TOPAZ1: variants seen among roughly 807,000 people sequenced by gnomAD.
TOPAZ1 encodes the protein testis and ovary specific TOPAZ 1.
A neutral mutation model predicts 172.2 loss-of-function variants in TOPAZ1; 66 were observed. The observed-to-expected ratio is 0.38, with a 90% CI of 0.31 to 0.47. The LOEUF (loss-of-function observed/expected upper bound fraction) is 0.47, where lower values mean the gene tolerates loss of function less well. Ranked by LOEUF, TOPAZ1 falls within the 20% of genes least tolerant of loss-of-function variation. TOPAZ1 has a pLI of 0.99. For synonymous variants in TOPAZ1, 681 were observed against 683.9 expected (o/e 1.00, Z 0.07); for missense variants, 1,822 against 1,972.4 (o/e 0.92, Z 1.44).
rs145826696 is a variant in TOPAZ1, at chr3:44,279,444, A to G, written c.3373-2524A>G. Among the ~76,000 whole-genome samples the G allele has an allele frequency of 4.1e-3, 624 of 152,134 alleles. 10 individuals carry two copies. Among genetic ancestry groups the G allele is most frequent in the African/African-American group, 0.014 (596 of 41,506 alleles). On this transcript the variant is annotated intron_variant, in intron 8 of 19. Coordinates refer to ENST00000309765, the MANE Select transcript of TOPAZ1 (RefSeq NM_001145030.2). ...AAATCTCCAACTATTATTGTATTGG[A>G]GTCTGTCCCTCCCTTTAGATGTAAT...
chr3:44,298,276 C>G (rs1700222017), intron 12 of TOPAZ1, among the ~76,000 whole-genome samples: 1 of 152,038 alleles, frequency 6.6e-6, no homozygotes, highest in African/African-American at 2.4e-5. Flanking sequence ...CCAGCCTGGG[C>G]AACGTGGTGA....
intron 6 of TOPAZ1, among the ~76,000 whole-genome samples, chr3:44,267,703 A>G (rs1699847769): frequency 2.6e-5 from 4 of 152,208 alleles, no homozygotes; most frequent in Admixed American, 2.6e-4. Context: ...TGGAGTGTGT[A>G]TATGTATTTT....
chr3:44,272,857 C>T (rs778529480), intron 8 of TOPAZ1, among the ~76,000 whole-genome samples: 5 of 152,210 alleles, frequency 3.3e-5, no homozygotes, highest in African/African-American at 9.6e-5. Flanking sequence ...CTGCACGCAG[C>T]CTCCGTTGCC....
Position 44,323,244 on chromosome 3 carries a change from ACTT to A in TOPAZ1, c.4628_4630del (p.Ser1543del), listed in dbSNP as rs1337766027. ...TTTTTCCTTTCTCAGAAGATTAATT[ACTT>A]CTTTAGGAAGGAGTCGTTTATGGCT... On this transcript the variant is annotated inframe_deletion, in exon 18 of 20. Transcript: ENST00000309765. 1 of 1,550,412 alleles carries A rather than the reference ACTT, an allele frequency of 6.4e-7. No homozygotes were observed. Among genetic ancestry groups the A allele is most frequent in the Non-Finnish European group, 8.7e-7 (1 of 1,146,304 alleles).
chr3:44,244,236 C>A lies in TOPAZ1; in HGVS notation c.1730C>A (p.Ala577Glu), dbSNP rs1217702717. 6.5e-7 allele frequency: 1 copy of A among 1,548,534 alleles called. No individual in the cohort carries two copies. The highest frequency in any genetic ancestry group is 8.7e-7 in the Non-Finnish European group (1 of 1,145,470). Residue 577 changes from alanine to glutamate, a missense_variant, in exon 2 of 20, where the codon GCA becomes GAA. Ala to Glu is a moderately radical substitution (Grantham distance 107). Coordinates refer to ENST00000309765, the MANE Select transcript of TOPAZ1 (RefSeq NM_001145030.2). ...TCTAATTGTTTGTCTTCAGTTTCTG[C>A]AGTAGAACCTACTTTAATGGTTATA... ...SNSNCLSSVS[A>E]VEPTLMVIKE...
intron 17 of TOPAZ1, among the ~76,000 whole-genome samples, chr3:44,322,704 A>T (rs1700555161): frequency 6.6e-6 from 1 of 152,122 alleles, no homozygotes; most frequent in Non-Finnish European, 1.5e-5. Flanking sequence ...ATGGCCATAG[A>T]TGAGCCCAGG....
rs1192984414 is a variant in TOPAZ1, at chr3:44,293,032, CCAT to C, written c.3797+2147_3797+2149del. On this transcript the variant is annotated intron_variant, in intron 12 of 19. Coordinates refer to ENST00000309765, the MANE Select transcript of TOPAZ1 (RefSeq NM_001145030.2). ...TTTGGTTAATGATGGACCACATATACCATGGTGATCCCATAAAATTATAATGGA... is the reference window on the plus strand; with the variant it reads ...TTTGGTTAATGATGGACCACATATACGGTGATCCCATAAAATTATAATGGA... 1.3e-5 allele frequency among the ~76,000 whole-genome samples: 2 copies of C among 152,128 alleles called. 1 individual carries two copies. The highest frequency in any genetic ancestry group is 1.3e-4 in the Admixed American group (2 of 15,282).
intron 12 of TOPAZ1, among the ~76,000 whole-genome samples, chr3:44,295,976 T>A (rs574866590): frequency 6.6e-6 from 1 of 152,276 alleles, no homozygotes; most frequent in South Asian, 2.1e-4. Context: ...TCCTGGATCA[T>A]AAACCTCAAA....
At chr3:44,285,677 C>A (rs1000105647) in intron 9 of TOPAZ1, among the ~76,000 whole-genome samples, 8 of 151,586 alleles carry the variant, frequency 5.3e-5, no homozygotes, top group African/African-American at 1.9e-4. Flanking sequence ...TCAAGCGATT[C>A]TCCTGCCTCA....
chr3:44,318,999 GC>G (rs1700481296), intron 16 of TOPAZ1, among the ~76,000 whole-genome samples: 1 of 151,954 alleles, frequency 6.6e-6, no homozygotes, highest in East Asian at 1.9e-4. Context: ...TCCCCTCCAT[GC>G]CCAGGTCTGT....
intron 6 of TOPAZ1, among the ~76,000 whole-genome samples, chr3:44,268,675 AC>A (rs1699859695): frequency 6.6e-6 from 1 of 151,898 alleles, no homozygotes; most frequent in South Asian, 2.1e-4. Flanking sequence ...GAGCCACCGC[AC>A]CAGACTGGTG....
chr3:44,271,509 T>C (rs988367319), intron 8 of TOPAZ1, among the ~76,000 whole-genome samples: 1 of 152,202 alleles, frequency 6.6e-6, no homozygotes, highest in African/African-American at 2.4e-5. Flanking sequence ...AATCATATAA[T>C]CTGTATACAA....
chr3:44,254,637 A>C (rs1260236567), intron 2 of TOPAZ1, among the ~76,000 whole-genome samples: 2 of 151,952 alleles, frequency 1.3e-5, no homozygotes, highest in African/African-American at 4.8e-5. Context: ...CAAAAAAAAA[A>C]AAAAAAAAAA....
chr3:44,264,511 G>T (rs566231414), intron 5 of TOPAZ1, among the ~76,000 whole-genome samples: 4 of 152,182 alleles, frequency 2.6e-5, no homozygotes, highest in Non-Finnish European at 4.4e-5. Context: ...TTGCCTGGAT[G>T]TTGATGGCTG....
At chr3:44,313,159 G>T (rs759598849) in intron 16 of TOPAZ1, among the ~76,000 whole-genome samples, 1 of 152,122 alleles carries the variant, frequency 6.6e-6, no homozygotes. Flanking sequence ...AGTTGTAAAC[G>T]ATAATTCCTG....
At chr3:44,285,633 G>A (rs890122340) in intron 9 of TOPAZ1, among the ~76,000 whole-genome samples, 4 of 151,266 alleles carry the variant, frequency 2.6e-5, no homozygotes, top group African/African-American at 4.8e-5. Context: ...GCAGTCGCAC[G>A]ATCTTGGCTC....
Position 44,244,520 on chromosome 3 carries a change from G to C in TOPAZ1, c.2014G>C (p.Val672Leu). ...KACIAQQTFI[V>L]PDLVKILNTG... ...ATGCATTGCTCAACAAACATTTATAGTTCCAGACTTGGTTAAAATATTGAA... is the reference window on the plus strand; with the variant it reads ...ATGCATTGCTCAACAAACATTTATACTTCCAGACTTGGTTAAAATATTGAA... The change falls in exon 2 of 20, where the codon GTT becomes CTT. Residue 672 changes from valine to leucine, a missense_variant. Physicochemically the swap from Val to Leu is conservative, Grantham distance 32. Coordinates refer to ENST00000309765, the MANE Select transcript of TOPAZ1 (RefSeq NM_001145030.2). 6.4e-7 allele frequency: 1 copy of C among 1,551,340 alleles called. No homozygotes were observed. Among genetic ancestry groups the C allele is most frequent in the Non-Finnish European group, 8.7e-7 (1 of 1,146,922 alleles).
chr3:44,241,941 G>C lies in TOPAZ1; in HGVS notation c.-113G>C, dbSNP rs1699480381. The C allele has an allele frequency of 1.1e-5, 11 of 981,278 alleles. No individual in the cohort carries two copies. The South Asian group carries it at 1.7e-4, about 15-fold the overall frequency. 60.8% of individuals were successfully genotyped at this position (981,278 alleles called of 1,614,324 possible). On this transcript the variant is annotated 5_prime_UTR_variant, in exon 1 of 20. Transcript: ENST00000309765. Reference sequence around the variant, plus strand: ...CGGCCCCGGGCTGTGGTGACTGGCGGTGTGGGGTGGGTCAGAGGGCAGTAG... The same window carrying C: ...CGGCCCCGGGCTGTGGTGACTGGCGCTGTGGGGTGGGTCAGAGGGCAGTAG...
At chr3:44,289,460 T>G (rs1700113350) in intron 11 of TOPAZ1, among the ~76,000 whole-genome samples, 1 of 151,752 alleles carries the variant, frequency 6.6e-6, no homozygotes, top group Non-Finnish European at 1.5e-5. Flanking sequence ...TAGAACAGGC[T>G]TTAAATAGTC....
Sources: allele counts gnomAD v4.1 joint callset (sites outside exome capture counted in the v4.1 genomes callset), GRCh38; gene constraint gnomAD v4.1.1; transcripts MANE v1.5; gene names NCBI Gene and HGNC (gene_info 2026-07-23, HGNC 2026-07-21).